The following MEF2A variants were observed in gnomAD, a reference collection of about 807,000 sequenced individuals.
MEF2A encodes the protein myocyte enhancer factor 2A.
MEF2A carries 28 observed loss-of-function variants against 55.8 expected under a neutral mutation model. That is an observed-to-expected ratio of 0.50 (90% CI 0.37 to 0.69). The LOEUF (loss-of-function observed/expected upper bound fraction) is 0.69, where lower values mean the gene tolerates loss of function less well. MEF2A is among the 30% of genes least tolerant of loss of function. The probability of loss-of-function intolerance (pLI) is 0.00; values close to 1 mark genes in which losing one functional copy is unlikely to be tolerated. For missense variants in MEF2A, 528 were observed against 626.2 expected (o/e 0.84, Z 1.67); for synonymous variants, 239 against 227.1 (o/e 1.05, Z -0.47).
intron 7 of MEF2A, among the ~76,000 whole-genome samples, chr15:99,680,428 G>A (rs2053020934): frequency 6.6e-6 from 1 of 152,098 alleles, no homozygotes; most frequent in South Asian, 2.1e-4. Flanking sequence ...TGAAGGCATG[G>A]TGAAACTGAT....
chr15:99,662,000 G>C (rs2048732457), intron 4 of MEF2A, among the ~76,000 whole-genome samples: 1 of 152,028 alleles, frequency 6.6e-6, no homozygotes, highest in South Asian at 2.1e-4. Flanking sequence ...CATAAACAGT[G>C]TTAATGCTGA....
At chr15:99,601,633 C>T (rs1973026676) in intron 2 of MEF2A, among the ~76,000 whole-genome samples, 1 of 150,036 alleles carries the variant, frequency 6.7e-6, no homozygotes, top group Non-Finnish European at 1.5e-5. Context: ...TGGTCAGTTA[C>T]ATTGATTGAT....
intron 1 of MEF2A, among the ~76,000 whole-genome samples, chr15:99,575,966 C>T (rs1281165695): frequency 6.6e-6 from 1 of 152,206 alleles, no homozygotes; most frequent in East Asian, 1.9e-4. Context: ...GTTGTTTTAA[C>T]ATGCCCCCAT....
At chr15:99,641,449 C>T (rs913479505) in intron 3 of MEF2A, among the ~76,000 whole-genome samples, 6 of 152,056 alleles carry the variant, frequency 3.9e-5, no homozygotes, top group South Asian at 4.1e-4. Flanking sequence ...CTCGGCCGGG[C>T]GCGTTGGCTC....
intron 7 of MEF2A, among the ~76,000 whole-genome samples, chr15:99,689,732 C>T (rs1223254679): frequency 2.0e-5 from 3 of 152,166 alleles, no homozygotes; most frequent in Non-Finnish European, 2.9e-5. Context: ...TCACCCTCCT[C>T]GGCATACCGA....
intron 1 of MEF2A, among the ~76,000 whole-genome samples, chr15:99,593,757 T>A (rs907376628): frequency 2.0e-5 from 3 of 152,198 alleles, no homozygotes; most frequent in Non-Finnish European, 1.5e-5. Flanking sequence ...CCATTCCTAC[T>A]AGTATGGAAA....
In MEF2A at chr15:99,602,653, G is replaced by GGGGT. The variant is rs1555454713; in HGVS notation, c.-143+4143_-143+4144insGGTG. On this transcript the variant is annotated intron_variant, in intron 2 of 11. Coordinates refer to ENST00000557942, the MANE Select transcript of MEF2A (RefSeq NM_001319206.4). ...CCTGGTGGTTGCCTGACATTCCTGG[G>GGGGT]GTGTGTGTGTGTGTGTGTGTGTGTG... Among the ~76,000 whole-genome samples the GGGGT allele has an allele frequency of 5.6e-3, 252 of 44,848 alleles. 5 individuals carry two copies. The highest frequency in any genetic ancestry group is 0.021 in the East Asian group (24 of 1,144). 29.4% of individuals were successfully genotyped at this position (44,848 alleles called of 152,430 possible). A position where few individuals can be genotyped will look rare whatever the true frequency, so the allele number is the denominator to read the frequency against.
At chr15:99,634,285 C>T (rs2043396380) in intron 3 of MEF2A, among the ~76,000 whole-genome samples, 2 of 152,104 alleles carry the variant, frequency 1.3e-5, no homozygotes, top group African/African-American at 2.4e-5. Flanking sequence ...AGAGGAGGCC[C>T]TGGTTTCAAC....
intron 2 of MEF2A, among the ~76,000 whole-genome samples, chr15:99,622,702 C>CTTTTTTTTTTTTTTTTTTT (rs56054040): frequency 7.4e-6 from 1 of 135,700 alleles, no homozygotes. Context: ...GTTTTCTTTT[C>CTTTTTTTTTTTTTTTTTTT]TTTTTTTTTT....
chr15:99,687,509 A>G (rs1256876018), intron 7 of MEF2A, among the ~76,000 whole-genome samples: 1 of 152,198 alleles, frequency 6.6e-6, no homozygotes, highest in Non-Finnish European at 1.5e-5. Flanking sequence ...GCTGTGGATT[A>G]TCCAGGCTTA....
intron 8 of MEF2A, among the ~76,000 whole-genome samples, chr15:99,695,541 T>TTGTGTGTGTGTGTGTG (rs3979129): frequency 0.049 from 7,102 of 144,814 alleles, 232 homozygotes; most frequent in East Asian, 0.13. Context: ...ATTGTCAGAT[T>TTGTGTGTGTGTGTGTG]TGTGTGTGTG....
At chr15:99,634,877 C>T (rs1164343262) in intron 3 of MEF2A, among the ~76,000 whole-genome samples, 1 of 152,102 alleles carries the variant, frequency 6.6e-6, no homozygotes, top group Non-Finnish European at 1.5e-5. Flanking sequence ...GGAGAAAAGA[C>T]ATAAAAGAAA....
chr15:99,686,422 G>A (rs1018525844), intron 7 of MEF2A, among the ~76,000 whole-genome samples: 1 of 152,078 alleles, frequency 6.6e-6, no homozygotes, highest in Non-Finnish European at 1.5e-5. Context: ...TAGTAGTGGT[G>A]AATTCTCTCA....
chr15:99,632,874 A>C (rs2043166237), intron 2 of MEF2A, 104 bp from the exon 3 acceptor site: 1 of 337,360 alleles, frequency 3.0e-6, no homozygotes, highest in Admixed American at 4.7e-5. Flanking sequence ...AATTTCAACT[A>C]ATAATGCTGT....
At chr15:99,623,450 A>G (rs542649284) in intron 2 of MEF2A, among the ~76,000 whole-genome samples, 6 of 152,196 alleles carry the variant, frequency 3.9e-5, no homozygotes, top group Admixed American at 6.5e-5. Context: ...TGGCAATTCT[A>G]TATTTAATTT....
chr15:99,574,866 C>T (rs1047973378), intron 1 of MEF2A, among the ~76,000 whole-genome samples: 4 of 152,134 alleles, frequency 2.6e-5, no homozygotes, highest in African/African-American at 9.7e-5. Context: ...AGTGGCAAAA[C>T]ATCACAGGTA....
chr15:99,603,209 C>T (rs111664846), intron 2 of MEF2A, among the ~76,000 whole-genome samples: 1 of 151,696 alleles, frequency 6.6e-6, no homozygotes, highest in African/African-American at 2.4e-5. Flanking sequence ...TTTCCTTGAC[C>T]CACGTCATTT....
At chr15:99,607,062 G>GTGA (rs890462966) in intron 2 of MEF2A, among the ~76,000 whole-genome samples, 1 of 152,178 alleles carries the variant, frequency 6.6e-6, no homozygotes, top group Admixed American at 6.6e-5. Context: ...CACATTATGT[G>GTGA]TGATTCCACG....
chr15:99,595,236 T>C (rs912139193), intron 1 of MEF2A, among the ~76,000 whole-genome samples: 1 of 152,232 alleles, frequency 6.6e-6, no homozygotes, highest in Admixed American at 6.5e-5. Flanking sequence ...GCAATTAGTA[T>C]GCTGATTAGC....
Sources: gnomAD v4.1 joint callset for allele counts (sites outside exome capture counted in the v4.1 genomes callset) on GRCh38, gnomAD v4.1.1 for gene constraint, MANE v1.5 for transcripts, NCBI Gene and HGNC (gene_info 2026-07-23, HGNC 2026-07-21) for gene names.